Variants in SLC8A1 observed in about 807,000 individuals in gnomAD.
SLC8A1 encodes the protein sodium/calcium exchanger 1.
Under a neutral mutation model 68.3 loss-of-function variants are expected in SLC8A1, and 18 were observed. The observed-to-expected ratio is 0.26, with a 90% CI of 0.18 to 0.39. The LOEUF (loss-of-function observed/expected upper bound fraction) is 0.39. SLC8A1 is among the 10% of genes least tolerant of loss of function. The pLI, the probability that SLC8A1 is intolerant of heterozygous loss-of-function variation, is 1.00. For synonymous variants in SLC8A1, 475 were observed against 415.5 expected (o/e 1.14, Z -1.74); for missense variants, 985 against 1,156.7 (o/e 0.85, Z 2.15).
At chr2:40,392,560 A>G (rs749415276) in intron 2 of SLC8A1, among the ~76,000 whole-genome samples, 5 of 152,084 alleles carry the variant, frequency 3.3e-5, no homozygotes, top group African/African-American at 4.8e-5. Flanking sequence ...GCTGGTATCA[A>G]TTGTCATGGG....
In SLC8A1 at chr2:40,285,759, T is replaced by C. The variant is rs145851612; in HGVS notation, c.1809-107904A>G. Reference sequence around the variant, plus strand: ...TTCTCTTCACTAGTCATTCATAATGTGGTTTTTAACAACAAAATAATTAGT... The same window carrying C: ...TTCTCTTCACTAGTCATTCATAATGCGGTTTTTAACAACAAAATAATTAGT... On this transcript the variant is annotated intron_variant, in intron 2 of 7. Transcript: ENST00000406785. 6.1e-3 allele frequency among the ~76,000 whole-genome samples: 925 copies of C among 152,310 alleles called. 6 individuals are homozygous for C. The highest frequency in any genetic ancestry group is 0.021 in the African/African-American group (875 of 41,566).
chr2:40,310,389 G>C (rs148157471), intron 2 of SLC8A1, among the ~76,000 whole-genome samples: 157 of 152,314 alleles, frequency 1.0e-3, no homozygotes, highest in Non-Finnish European at 1.7e-3. Flanking sequence ...ATTGAGGAAA[G>C]AAAGTGCAAG....
intron 1 of SLC8A1, among the ~76,000 whole-genome samples, chr2:40,467,534 T>TTAGA: frequency 1.3e-5 from 2 of 152,274 alleles, no homozygotes; most frequent in African/African-American, 4.8e-5. Flanking sequence ...GTTGTCTCCT[T>TTAGA]TTATGTTCCT....
rs3838567 is a variant in SLC8A1, at chr2:40,428,423, CCACACACACACA to C, written c.1808+38_1808+49del. ...GACTCACATTCATAAACACACTGAA[CCACACACACACA>C]CACACACACACACACACATATATAA... On this transcript the variant is annotated intron_variant, in intron 2 of 7. Transcript: ENST00000406785. 1,830 of 1,391,984 alleles carry C rather than the reference CCACACACACACA, an allele frequency of 1.3e-3. 3 individuals carry two copies. The highest frequency in any genetic ancestry group is 5.3e-3 in the African/African-American group (363 of 68,002). The allele number at this position is 1,391,984 out of a possible 1,614,324, so 86.2% of individuals were successfully genotyped here.
intron 2 of SLC8A1, among the ~76,000 whole-genome samples, chr2:40,392,805 G>T (rs1213707396): frequency 6.6e-6 from 1 of 152,066 alleles, no homozygotes; most frequent in Non-Finnish European, 1.5e-5. Context: ...GCAAAGGAGG[G>T]CTTTCAGCAT....
chr2:40,445,671 C>T (rs1035907117), intron 1 of SLC8A1, among the ~76,000 whole-genome samples: 1 of 152,148 alleles, frequency 6.6e-6, no homozygotes, highest in Non-Finnish European at 1.5e-5. Flanking sequence ...TAAAGAGAAG[C>T]TCTTAAAAAG....
At chr2:40,227,813 G>A (rs2059168674) in intron 2 of SLC8A1, among the ~76,000 whole-genome samples, 1 of 152,062 alleles carries the variant, frequency 6.6e-6, no homozygotes, top group South Asian at 2.1e-4. Flanking sequence ...AACAATGACA[G>A]CACGGTGCTA....
At chr2:40,452,150 C>T (rs1482921148), upstream of SLC8A1, 5 of 170 alleles carry the variant, frequency 0.029, no homozygotes, top group East Asian at 0.42. Flanking sequence ...CTGGGAGGGC[C>T]GGGGCCCGGG....
chr2:40,254,079 A>C (rs927571419), intron 2 of SLC8A1, among the ~76,000 whole-genome samples: 1 of 152,210 alleles, frequency 6.6e-6, no homozygotes, highest in African/African-American at 2.4e-5. Context: ...CGGATATTCT[A>C]ATTACCCTGA....
intron 2 of SLC8A1, among the ~76,000 whole-genome samples, chr2:40,239,391 C>T (rs548791674): frequency 6.6e-6 from 1 of 152,108 alleles, no homozygotes; most frequent in African/African-American, 2.4e-5. Context: ...TTTCTATTGA[C>T]ATGAGGTGAA....
chr2:40,104,727 G>T (rs2034092123), exon 8 of SLC8A1: 1 of 152,040 alleles, frequency 6.6e-6, no homozygotes, highest in African/African-American at 2.4e-5. Flanking sequence ...CAAAATAAAT[G>T]CTTGATTTAT....
chr2:40,450,990 G>A (rs1398429509), intron 1 of SLC8A1, among the ~76,000 whole-genome samples: 2 of 152,172 alleles, frequency 1.3e-5, no homozygotes, highest in Admixed American at 6.5e-5. Context: ...GAGAAGAGGC[G>A]GGGGTGATGC....
intron 7 of SLC8A1, among the ~76,000 whole-genome samples, chr2:40,129,025 C>T (rs1206104085): frequency 6.6e-6 from 1 of 152,128 alleles, no homozygotes; most frequent in African/African-American, 2.4e-5. Context: ...AGGCATCTTA[C>T]TGGGGTGATG....
intron 2 of SLC8A1, among the ~76,000 whole-genome samples, chr2:40,316,451 T>C (rs908373416): frequency 3.3e-5 from 5 of 152,054 alleles, no homozygotes; most frequent in African/African-American, 9.7e-5. Flanking sequence ...CAAAATTTGG[T>C]TAAATATTTG....
intron 2 of SLC8A1, among the ~76,000 whole-genome samples, chr2:40,381,038 C>A (rs1681593028): frequency 6.6e-6 from 1 of 152,008 alleles, no homozygotes; most frequent in Non-Finnish European, 1.5e-5. Flanking sequence ...TTGGTCAATT[C>A]CCCAAACCTC....
chr2:40,340,543 A>T (rs952498457), intron 2 of SLC8A1, among the ~76,000 whole-genome samples: 4 of 152,218 alleles, frequency 2.6e-5, no homozygotes, highest in Admixed American at 2.6e-4. Context: ...CCTGGCCAAC[A>T]GAGTGAGACT....
At chr2:40,497,054 C>T (rs1405286713) in intron 1 of SLC8A1, among the ~76,000 whole-genome samples, 1 of 150,442 alleles carries the variant, frequency 6.6e-6, no homozygotes, top group Non-Finnish European at 1.5e-5. Flanking sequence ...TGCACATGTA[C>T]CCTAAAACTT....
chr2:40,410,798 C>T (rs1207856028), intron 2 of SLC8A1, among the ~76,000 whole-genome samples: 1 of 151,972 alleles, frequency 6.6e-6, no homozygotes, highest in Non-Finnish European at 1.5e-5. Flanking sequence ...ATTAAAAAAG[C>T]ATTTTCACAT....
At chr2:40,243,527 G>A (rs2061472787) in intron 2 of SLC8A1, among the ~76,000 whole-genome samples, 1 of 152,100 alleles carries the variant, frequency 6.6e-6, no homozygotes, top group Admixed American at 6.6e-5. Flanking sequence ...TCTAAGTTCA[G>A]TATTTAAGAA....
Sources: gnomAD v4.1 joint callset for allele counts (sites outside exome capture counted in the v4.1 genomes callset) on GRCh38, gnomAD v4.1.1 for gene constraint, MANE v1.5 for transcripts, NCBI Gene and HGNC (gene_info 2026-07-23, HGNC 2026-07-21) for gene names.